KCNT2: variants seen among roughly 807,000 people sequenced by gnomAD.
The protein encoded by KCNT2 is potassium channel subfamily T member 2.
In KCNT2, 67 loss-of-function variants were observed where a neutral mutation model predicts 153.8. The observed-to-expected ratio is 0.44, with a 90% CI of 0.36 to 0.53. The LOEUF (loss-of-function observed/expected upper bound fraction) is 0.53. Ranked by LOEUF, KCNT2 falls within the 20% of genes least tolerant of loss-of-function variation. The pLI is 0.00. For missense variants in KCNT2, 975 were observed against 1,354.8 expected (o/e 0.72, Z 4.40); for synonymous variants, 500 against 458.8 (o/e 1.09, Z -1.15).
intron 22 of KCNT2, among the ~76,000 whole-genome samples, chr1:196,302,296 A>T (rs1365932703): frequency 6.6e-6 from 1 of 152,194 alleles, no homozygotes; most frequent in Non-Finnish European, 1.5e-5. Context: ...ATACTGTGTT[A>T]GCTGTCATAC....
In KCNT2 at chr1:196,320,829, T is replaced by C. The variant is rs114522761; in HGVS notation, c.2277-1274A>G. On this transcript the variant is annotated intron_variant, in intron 19 of 27. Coordinates refer to ENST00000294725, the MANE Select transcript of KCNT2 (RefSeq NM_198503.5). ...CCAATAGTATTACATCTTACGAATGTACCACAATTCATTCTTAAAATCTTC... is the reference window on the plus strand; with the variant it reads ...CCAATAGTATTACATCTTACGAATGCACCACAATTCATTCTTAAAATCTTC... Among the ~76,000 whole-genome samples the C allele has an allele frequency of 4.4e-3, 675 of 152,034 alleles. 4 individuals are homozygous for C. Among genetic ancestry groups the C allele is most frequent in the African/African-American group, 0.015 (613 of 41,540 alleles).
chr1:196,287,501 A>G (rs867161599), intron 22 of KCNT2, among the ~76,000 whole-genome samples: 1 of 152,234 alleles, frequency 6.6e-6, no homozygotes. Context: ...TTACATTACC[A>G]TTTCACACAC....
intron 4 of KCNT2, among the ~76,000 whole-genome samples, chr1:196,480,355 G>T (rs1162585094): frequency 6.6e-6 from 1 of 152,050 alleles, no homozygotes; most frequent in Non-Finnish European, 1.5e-5. Flanking sequence ...AGAACAATAA[G>T]AAAACAGATA....
At chr1:196,232,379 T>G (rs1029589133) in intron 27 of KCNT2, among the ~76,000 whole-genome samples, 1 of 151,726 alleles carries the variant, frequency 6.6e-6, no homozygotes, top group Admixed American at 6.6e-5. Flanking sequence ...ATTCTCTGCA[T>G]TCATTGATGC....
chr1:196,234,812 C>T (rs78707526), intron 27 of KCNT2, among the ~76,000 whole-genome samples: 3,435 of 151,502 alleles, frequency 0.023, 123 homozygotes, highest in African/African-American at 0.078. Flanking sequence ...ATTACAGACA[C>T]AAACACATCC....
chr1:196,476,821 T>G (rs1455001506), intron 5 of KCNT2, among the ~76,000 whole-genome samples: 2 of 152,176 alleles, frequency 1.3e-5, no homozygotes, highest in Admixed American at 6.5e-5. Context: ...CCTTGCTTCA[T>G]CCTACTGCTT....
At chr1:196,413,924 T>G (rs1672543819) in intron 12 of KCNT2, among the ~76,000 whole-genome samples, 1 of 151,696 alleles carries the variant, frequency 6.6e-6, no homozygotes, top group Non-Finnish European at 1.5e-5. Context: ...ATTCTAGGAT[T>G]GTCAGTGTTT....
At chr1:196,320,034 T>A (rs1468020686) in intron 19 of KCNT2, among the ~76,000 whole-genome samples, 3 of 151,826 alleles carry the variant, frequency 2.0e-5, no homozygotes, top group Admixed American at 1.3e-4. Context: ...ACATGCCCTA[T>A]ATAATATGTC....
At chr1:196,513,826 T>C (rs1169356703) in intron 1 of KCNT2, among the ~76,000 whole-genome samples, 1 of 152,184 alleles carries the variant, frequency 6.6e-6, no homozygotes, top group East Asian at 1.9e-4. Context: ...TGGTTCTACA[T>C]AGAACACAGA....
intron 1 of KCNT2, among the ~76,000 whole-genome samples, chr1:196,543,916 T>C (rs1021427968): frequency 6.7e-6 from 1 of 149,910 alleles, no homozygotes; most frequent in Non-Finnish European, 1.5e-5. Context: ...AATATAATTG[T>C]GTATTTACAC....
At chr1:196,267,359 C>T (rs541215121) in intron 25 of KCNT2, among the ~76,000 whole-genome samples, 2 of 152,248 alleles carry the variant, frequency 1.3e-5, no homozygotes, top group East Asian at 1.9e-4. Flanking sequence ...CTGACACGCT[C>T]GAGAAACAAT....
chr1:196,294,902 G>A (rs574497599), intron 22 of KCNT2, among the ~76,000 whole-genome samples: 6 of 151,822 alleles, frequency 4.0e-5, no homozygotes, highest in African/African-American at 1.2e-4. Context: ...GAGACTGGTG[G>A]AAGGGCATAA....
At position 196,236,170 on chromosome 1, in the gene KCNT2, G is replaced by T. The variant is rs960693295; in HGVS notation, c.3212-100C>A. The T allele has an allele frequency of 5.6e-6, 4 of 714,278 alleles. No homozygotes were observed. The African/African-American group carries it at 7.1e-5, about 13-fold the overall frequency. The allele number at this position is 714,278 out of a possible 1,614,324, so 44.2% of individuals were successfully genotyped here. The stretch of plus-strand genomic sequence containing the variant: ...ATTCAAACCATATAACTGTCAACAA[G>T]AACTTGGTATAGTTTTGTCCACAGC... On this transcript the variant is annotated intron_variant, in intron 26 of 27. Transcript: ENST00000294725.
At chr1:196,268,916 G>C (rs7418065) in intron 25 of KCNT2, among the ~76,000 whole-genome samples, 89 of 151,928 alleles carry the variant, frequency 5.9e-4, no homozygotes, top group Admixed American at 2.6e-3. Flanking sequence ...TCTGTGGAGT[G>C]GTAAAAATTC....
At chr1:196,555,942 T>A (rs1431926722) in intron 1 of KCNT2, among the ~76,000 whole-genome samples, 1 of 151,472 alleles carries the variant, frequency 6.6e-6, no homozygotes, top group Non-Finnish European at 1.5e-5. Flanking sequence ...GAAAACTGGA[T>A]ATCCATATGC....
At chr1:196,373,657 T>C (rs971100098) in intron 13 of KCNT2, among the ~76,000 whole-genome samples, 2 of 151,894 alleles carry the variant, frequency 1.3e-5, no homozygotes, top group African/African-American at 4.8e-5. Context: ...AGTACTGATT[T>C]AGAAGAGTAC....
intron 1 of KCNT2, among the ~76,000 whole-genome samples, chr1:196,580,535 A>G (rs1341571120): frequency 2.0e-5 from 3 of 152,314 alleles, no homozygotes; most frequent in Non-Finnish European, 1.5e-5. Context: ...AGCAGACAAC[A>G]AAATGAAAAT....
At chr1:196,514,770 G>T (rs762276838) in intron 1 of KCNT2, among the ~76,000 whole-genome samples, 25 of 151,862 alleles carry the variant, frequency 1.6e-4, no homozygotes, top group Non-Finnish European at 3.1e-4. Flanking sequence ...ATTTTTTGAT[G>T]CTTTTCATAT....
At chr1:196,569,964 A>G (rs777747407) in intron 1 of KCNT2, among the ~76,000 whole-genome samples, 12 of 148,338 alleles carry the variant, frequency 8.1e-5, no homozygotes, top group Non-Finnish European at 1.6e-4. Flanking sequence ...GAAATTTTCA[A>G]CCAAGTTAAC....
Sources: allele counts gnomAD v4.1 joint callset (sites outside exome capture counted in the v4.1 genomes callset), GRCh38; gene constraint gnomAD v4.1.1; transcripts MANE v1.5; gene names NCBI Gene and HGNC (gene_info 2026-07-23, HGNC 2026-07-21).